Variants in PRH1 observed in about 807,000 individuals in gnomAD.
PRH1 encodes the protein proline rich protein HaeIII subfamily 1.
A neutral mutation model predicts 7.9 loss-of-function variants in PRH1; 7 were observed. The ratio of observed to expected loss-of-function variants is 0.89; its 90% CI spans 0.50 to 1.67. The LOEUF (loss-of-function observed/expected upper bound fraction) is 1.67, where lower values mean the gene tolerates loss of function less well. PRH1 is among the 40% of genes most tolerant of loss of function. The pLI, the probability that PRH1 is intolerant of heterozygous loss-of-function variation, is 0.00. For missense variants in PRH1, 109 were observed against 223.6 expected (o/e 0.49, Z 3.27); for synonymous variants, 45 against 80.8 (o/e 0.56, Z 2.38).
intron 1 of PRH1, among the ~76,000 whole-genome samples, chr12:11,073,542 AC>A (rs1293106049): frequency 1.3e-5 from 2 of 151,424 alleles, no homozygotes; most frequent in Non-Finnish European, 2.9e-5. Flanking sequence ...GTCCACAAAT[AC>A]CACAATAGAG....
At chr12:10,967,525 A>G (rs1938567988) in intron 2 of PRH1, among the ~76,000 whole-genome samples, 2 of 152,216 alleles carry the variant, frequency 1.3e-5, no homozygotes, top group Admixed American at 1.3e-4. Context: ...ACAATTTTCT[A>G]CTTTTCCCAA....
At chr12:11,104,077 T>G (rs1259058951) in intron 1 of PRH1, among the ~76,000 whole-genome samples, 1 of 151,512 alleles carries the variant, frequency 6.6e-6, no homozygotes, top group Non-Finnish European at 1.5e-5. Flanking sequence ...GTGCTTTTGA[T>G]GTGGACACTA....
chr12:11,033,183 A>G (rs570805518), intron 1 of PRH1, among the ~76,000 whole-genome samples: 178 of 152,272 alleles, frequency 1.2e-3, no homozygotes, highest in Non-Finnish European at 1.1e-3. Flanking sequence ...CCTGGCCAAC[A>G]TGGTGAAACC....
chr12:11,102,853 C>A (rs1945297621), intron 1 of PRH1, among the ~76,000 whole-genome samples: 1 of 152,042 alleles, frequency 6.6e-6, no homozygotes, highest in African/African-American at 2.4e-5. Context: ...AGAAAAAAAT[C>A]AAACAACCCC....
intron 1 of PRH1, among the ~76,000 whole-genome samples, chr12:11,104,237 C>A (rs1592021207): frequency 6.8e-6 from 1 of 147,064 alleles, no homozygotes; most frequent in Admixed American, 6.7e-5. Flanking sequence ...AATCCAGATA[C>A]TCCCGATATA....
At position 10,936,607 on chromosome 12, in the gene PRH1, G is replaced by C. The variant is rs541557742; in HGVS notation, c.-59+37048C>G. 5.3e-5 allele frequency among the ~76,000 whole-genome samples: 8 copies of C among 152,160 alleles called. No individual in the cohort carries two copies. In the East Asian group the frequency reaches 1.5e-3, roughly 29 times the overall value. On this transcript the variant is annotated intron_variant, in intron 2 of 3. Transcript: ENST00000539853. ...TTCTTTATCAAACCCCCAGTTACCA[G>C]GCAACCATGGATCTGCTTTCAGTCA...
chr12:11,123,422 T>C (rs1261676794), intron 1 of PRH1, among the ~76,000 whole-genome samples: 2 of 152,148 alleles, frequency 1.3e-5, no homozygotes, highest in Non-Finnish European at 2.9e-5. Flanking sequence ...TTGACTAAAT[T>C]TATTCCTGTC....
chr12:11,006,527 C>T (rs1482096164), intron 1 of PRH1, among the ~76,000 whole-genome samples: 1 of 151,916 alleles, frequency 6.6e-6, no homozygotes, highest in African/African-American at 2.4e-5. Flanking sequence ...GAACTACAGG[C>T]ATGCACCACC....
chr12:11,012,200 T>C (rs1941098655), intron 1 of PRH1, among the ~76,000 whole-genome samples: 1 of 152,156 alleles, frequency 6.6e-6, no homozygotes. Context: ...TATTTAATGG[T>C]TTAAGATGAA....
chr12:11,031,845 A>G (rs1365647078), intron 1 of PRH1, among the ~76,000 whole-genome samples: 2 of 152,198 alleles, frequency 1.3e-5, no homozygotes, highest in African/African-American at 4.8e-5. Flanking sequence ...CGATTCAGAA[A>G]GTATAGCTCG....
intron 2 of PRH1, among the ~76,000 whole-genome samples, chr12:10,953,182 A>G (rs557802982): frequency 2.0e-5 from 3 of 152,314 alleles, no homozygotes; most frequent in African/African-American, 7.2e-5. Flanking sequence ...CACAGAGATG[A>G]GAAAGAATCA....
intron 2 of PRH1, among the ~76,000 whole-genome samples, chr12:10,936,726 T>A (rs918103264): frequency 1.3e-5 from 2 of 152,160 alleles, no homozygotes; most frequent in Non-Finnish European, 2.9e-5. Flanking sequence ...TTTCTTCCTC[T>A]TTTTATAAAG....
At chr12:11,067,408 A>C (rs1375831589) in intron 1 of PRH1, among the ~76,000 whole-genome samples, 1 of 150,768 alleles carries the variant, frequency 6.6e-6, no homozygotes, top group African/African-American at 2.4e-5. Flanking sequence ...ACTTTGTGAC[A>C]CTTTGACATG....
At chr12:11,002,649 T>G (rs1261744017) in intron 1 of PRH1, among the ~76,000 whole-genome samples, 1 of 152,076 alleles carries the variant, frequency 6.6e-6, no homozygotes, top group Non-Finnish European at 1.5e-5. Flanking sequence ...ATTTACAATC[T>G]CAGCTACTGT....
upstream of PRH1, among the ~76,000 whole-genome samples, chr12:10,884,623 G>A (rs1949462277): frequency 6.6e-6 from 1 of 152,154 alleles, no homozygotes; most frequent in Non-Finnish European, 1.5e-5. Context: ...GTGTGGGTGT[G>A]TCGGGGGGTG....
At position 11,022,124 on chromosome 12, in the gene PRH1, C is replaced by T. The variant is rs376656728; in HGVS notation, c.-126+24896G>A. 17 of 1,613,762 alleles carry T rather than the reference C, an allele frequency of 1.1e-5. 1 individual carries two copies. Among genetic ancestry groups the T allele is most frequent in the Middle Eastern group, 3.3e-4 (2 of 6,058 alleles). On this transcript the variant is annotated intron_variant, in intron 1 of 3. Transcript: ENST00000539853. ...TATTCTTTTGTCCACACTCTCTCAT[C>T]CATGGTTATCACAGCAAGATTACAA...
intron 1 of PRH1, chr12:11,092,125 C>A: frequency 6.9e-7 from 1 of 1,458,086 alleles, no homozygotes; most frequent in Non-Finnish European, 9.5e-7. Flanking sequence ...GTCTCTTGAA[C>A]CACTCAATGG....
At chr12:10,918,872 A>C (rs889862105) in intron 2 of PRH1, among the ~76,000 whole-genome samples, 1 of 152,076 alleles carries the variant, frequency 6.6e-6, no homozygotes, top group Admixed American at 6.5e-5. Flanking sequence ...AAAAGTATTA[A>C]ATTTTTTTCT....
At chr12:10,887,607 C>T (rs1029477328), upstream of PRH1, among the ~76,000 whole-genome samples, 3 of 150,622 alleles carry the variant, frequency 2.0e-5, no homozygotes, top group African/African-American at 4.9e-5. Context: ...CTGCAACTTC[C>T]ACCTCCCGGG....
Sources: allele counts gnomAD v4.1 joint callset (sites outside exome capture counted in the v4.1 genomes callset), GRCh38; gene constraint gnomAD v4.1.1; transcripts MANE v1.5; gene names NCBI Gene and HGNC (gene_info 2026-07-23, HGNC 2026-07-21).